MEGF11: variants seen among roughly 807,000 people sequenced by gnomAD.
MEGF11 encodes the protein multiple EGF like domains 11.
A neutral mutation model predicts 146.6 loss-of-function variants in MEGF11; 126 were observed. The ratio of observed to expected loss-of-function variants is 0.86; its 90% CI spans 0.74 to 1.00. The LOEUF (loss-of-function observed/expected upper bound fraction) is 1.00, where lower values mean the gene tolerates loss of function less well. MEGF11 is among the 50% of genes least tolerant of loss of function. The pLI is 0.00. For synonymous variants in MEGF11, 532 were observed against 583.4 expected, an observed-to-expected ratio of 0.91 and a Z score of 1.27; for missense variants, 1,509 against 1,521.2, an observed-to-expected ratio of 0.99 and a Z score of 0.13.
intron 5 of MEGF11, among the ~76,000 whole-genome samples, chr15:65,997,938 G>A (rs1483482011): frequency 1.3e-5 from 2 of 152,050 alleles, no homozygotes; most frequent in East Asian, 1.9e-4. Context: ...TGGGAAGAGC[G>A]GGAGGTAAGA....
At chr15:66,094,319 A>C (rs2086443939) in intron 5 of MEGF11, 83 bp downstream of exon 5, 6 of 1,214,696 alleles carry the variant, frequency 4.9e-6, no homozygotes, top group African/African-American at 1.5e-5. Flanking sequence ...CACAACACAA[A>C]AATGTAGCAT....
intron 5 of MEGF11, among the ~76,000 whole-genome samples, chr15:66,084,955 C>T (rs914065358): frequency 2.0e-5 from 3 of 152,062 alleles, no homozygotes; most frequent in Non-Finnish European, 2.9e-5. Flanking sequence ...GGCTGTTGCG[C>T]GAAGGTGGCG....
At chr15:66,189,800 C>A (rs374360316) in intron 1 of MEGF11, among the ~76,000 whole-genome samples, 1 of 151,448 alleles carries the variant, frequency 6.6e-6, no homozygotes, top group Non-Finnish European at 1.5e-5. Flanking sequence ...AATAATGGGG[C>A]CTTAGAGTTC....
At chr15:66,147,169 T>C (rs1333271373) in intron 1 of MEGF11, among the ~76,000 whole-genome samples, 1 of 152,078 alleles carries the variant, frequency 6.6e-6, no homozygotes, top group Non-Finnish European at 1.5e-5. Flanking sequence ...TTGTTGTCCC[T>C]AAACCACCAC....
chr15:66,153,872 G>A (rs775650886), intron 1 of MEGF11, among the ~76,000 whole-genome samples: 6 of 152,116 alleles, frequency 3.9e-5, no homozygotes, highest in South Asian at 4.1e-4. Flanking sequence ...AGGGTCACAC[G>A]GGCTCGTGCA....
chr15:66,070,011 A>G (rs1023250900), intron 5 of MEGF11, among the ~76,000 whole-genome samples: 4 of 152,198 alleles, frequency 2.6e-5, no homozygotes, highest in Non-Finnish European at 5.9e-5. Flanking sequence ...AACTGGTTTA[A>G]TTAGGGCGTG....
At chr15:66,128,776 T>G (rs775143567) in intron 1 of MEGF11, among the ~76,000 whole-genome samples, 1 of 152,160 alleles carries the variant, frequency 6.6e-6, no homozygotes, top group Non-Finnish European at 1.5e-5. Flanking sequence ...TGGACTGCTT[T>G]AAAGGGAATG....
rs60932678 is a variant in MEGF11 at position 66,033,078 on chromosome 15, C to CAAAAAAAAAAA, written c.395-50601_395-50591dup. On this transcript the variant is annotated intron_variant, in intron 5 of 25. Coordinates refer to ENST00000395614, the MANE Select transcript of MEGF11 (RefSeq NM_001385028.1). ...CCTGGGTGACAGAGTGAGACTCCAT[C>CAAAAAAAAAAA]AAAAAAAAAAAAAAAAAAAAAAAAA... 3.2e-3 allele frequency among the ~76,000 whole-genome samples: 255 copies of CAAAAAAAAAAA among 80,604 alleles called. 6 individuals carry two copies. Among genetic ancestry groups the CAAAAAAAAAAA allele is most frequent in the Middle Eastern group, 7.0e-3 (1 of 142 alleles). 52.9% of individuals were successfully genotyped at this position (80,604 alleles called of 152,430 possible).
intron 17 of MEGF11, chr15:65,916,609 G>C (rs1040768965): frequency 1.2e-6 from 1 of 846,768 alleles, no homozygotes; most frequent in East Asian, 2.7e-5. Flanking sequence ...TTGCAGCCCT[G>C]ACCTTCCAGG....
chr15:66,085,016 ATT>A (rs1032675342), intron 5 of MEGF11, among the ~76,000 whole-genome samples: 2 of 152,028 alleles, frequency 1.3e-5, no homozygotes, highest in African/African-American at 4.8e-5. Flanking sequence ...TGGCCCTTTG[ATT>A]TGCATGGGAG....
chr15:65,956,295 C>A (rs2080635650), intron 10 of MEGF11, among the ~76,000 whole-genome samples: 1 of 152,206 alleles, frequency 6.6e-6, no homozygotes. Context: ...AAATGCAGAA[C>A]CTCAGGCCCC....
chr15:66,052,215 C>T (rs1202415870), intron 5 of MEGF11, among the ~76,000 whole-genome samples: 2 of 152,156 alleles, frequency 1.3e-5, no homozygotes, highest in Admixed American at 6.5e-5. Context: ...GCTCATCACT[C>T]CTCATTGCTC....
chr15:66,077,225 G>C (rs2085629836), intron 5 of MEGF11, among the ~76,000 whole-genome samples: 1 of 152,216 alleles, frequency 6.6e-6, no homozygotes, highest in Admixed American at 6.5e-5. Flanking sequence ...TGGCACCTTT[G>C]CTATGTGGGT....
At chr15:66,010,607 G>T (rs1163449083) in intron 5 of MEGF11, among the ~76,000 whole-genome samples, 1 of 152,232 alleles carries the variant, frequency 6.6e-6, no homozygotes, top group Non-Finnish European at 1.5e-5. Flanking sequence ...TGAATAGAGT[G>T]CAGGGTTTGT....
At chr15:66,024,884 G>A (rs1350057058) in intron 5 of MEGF11, among the ~76,000 whole-genome samples, 1 of 152,192 alleles carries the variant, frequency 6.6e-6, no homozygotes, top group African/African-American at 2.4e-5. Context: ...AGGCGAACTG[G>A]GTCCTGCTGA....
intron 10 of MEGF11, among the ~76,000 whole-genome samples, chr15:65,955,775 T>TAGATAG (rs1555455819): frequency 1.2e-4 from 1 of 8,462 alleles, no homozygotes; most frequent in African/African-American, 2.0e-4. Context: ...TATATATATA[T>TAGATAG]ATATATATAT....
intron 1 of MEGF11, among the ~76,000 whole-genome samples, chr15:66,175,954 T>TCAA (rs201096466): frequency 3.3e-5 from 5 of 151,986 alleles, no homozygotes; most frequent in Non-Finnish European, 7.4e-5. Flanking sequence ...TATAAGGCAC[T>TCAA]CAACAACAAC....
chr15:66,073,813 A>G (rs2085468704), intron 5 of MEGF11, among the ~76,000 whole-genome samples: 1 of 152,216 alleles, frequency 6.6e-6, no homozygotes, highest in Non-Finnish European at 1.5e-5. Flanking sequence ...TGTCAGACCC[A>G]TAGTGGGTGC....
chr15:66,022,935 T>C (rs2083203021), intron 5 of MEGF11, among the ~76,000 whole-genome samples: 2 of 151,500 alleles, frequency 1.3e-5, no homozygotes, highest in Admixed American at 6.6e-5. Flanking sequence ...GGTGGATTGC[T>C]TGAGGTCAGG....
Sources: allele counts gnomAD v4.1 joint callset (sites outside exome capture counted in the v4.1 genomes callset), GRCh38; gene constraint gnomAD v4.1.1; transcripts MANE v1.5; gene names NCBI Gene and HGNC (gene_info 2026-07-23, HGNC 2026-07-21).